SLC25A21: variants seen among roughly 807,000 people sequenced by gnomAD.
The protein encoded by SLC25A21 is mitochondrial 2-oxodicarboxylate carrier.
Under a neutral mutation model 43.8 loss-of-function variants are expected in SLC25A21, and 47 were observed. The observed-to-expected ratio is 1.07, with a 90% CI of 0.85 to 1.37. The LOEUF (loss-of-function observed/expected upper bound fraction) is 1.37, where lower values mean the gene tolerates loss of function less well. SLC25A21 is among the 40% of genes most tolerant of loss of function. The probability of loss-of-function intolerance (pLI) is 0.00; values close to 1 mark genes in which losing one functional copy is unlikely to be tolerated. For missense variants in SLC25A21, 352 were observed against 350.2 expected (o/e 1.00, Z -0.04); for synonymous variants, 131 against 121.3 (o/e 1.08, Z -0.52).
At chr14:36,905,066 AC>A (rs746866288) in intron 1 of SLC25A21, among the ~76,000 whole-genome samples, 2,418 of 152,190 alleles carry the variant, frequency 0.016, 62 homozygotes, top group African/African-American at 0.054. Context: ...TCTAAGGTAC[AC>A]TCTATTTTTC....
chr14:36,936,977 T>C (rs915191925), intron 1 of SLC25A21, among the ~76,000 whole-genome samples: 1 of 152,192 alleles, frequency 6.6e-6, no homozygotes, highest in African/African-American at 2.4e-5. Context: ...CTAGGGTCTC[T>C]TTCTATGGTA....
At chr14:36,988,114 T>C (rs1960185914) in intron 1 of SLC25A21, among the ~76,000 whole-genome samples, 2 of 152,182 alleles carry the variant, frequency 1.3e-5, no homozygotes, top group African/African-American at 4.8e-5. Flanking sequence ...GAGAGCACAG[T>C]CTCTGCCATT....
At chr14:36,878,690 C>A (rs1021721273) in intron 1 of SLC25A21, among the ~76,000 whole-genome samples, 7 of 152,158 alleles carry the variant, frequency 4.6e-5, no homozygotes, top group Non-Finnish European at 8.8e-5. Context: ...TTAATAATTT[C>A]TCTATTCTCA....
chr14:37,029,055 T>C (rs1018417265), intron 1 of SLC25A21, among the ~76,000 whole-genome samples: 1 of 152,196 alleles, frequency 6.6e-6, no homozygotes, highest in East Asian at 1.9e-4. Flanking sequence ...CTCCAATATG[T>C]TTCCACATTA....
intron 1 of SLC25A21, among the ~76,000 whole-genome samples, chr14:37,135,270 T>A (rs1055662928): frequency 6.6e-6 from 1 of 151,878 alleles, no homozygotes; most frequent in African/African-American, 2.4e-5. Flanking sequence ...ATGGTGGTGT[T>A]CACCTGTAGC....
At chr14:36,949,236 A>G (rs1892746503) in intron 1 of SLC25A21, among the ~76,000 whole-genome samples, 1 of 152,208 alleles carries the variant, frequency 6.6e-6, no homozygotes, top group Non-Finnish European at 1.5e-5. Flanking sequence ...TGGAAATGTA[A>G]TACCTATAAG....
chr14:37,007,600 A>AATAATAATAATAATAATAATAATAATAAT (rs1960634011), intron 1 of SLC25A21, among the ~76,000 whole-genome samples: 3 of 148,046 alleles, frequency 2.0e-5, no homozygotes, highest in African/African-American at 7.6e-5. Flanking sequence ...TCCCTCTCAA[A>AATAATAATAATAATAATAATAATAATAAT]AATAATAATA....
chr14:36,735,979 C>G (rs1594537048), intron 3 of SLC25A21, among the ~76,000 whole-genome samples: 1 of 139,082 alleles, frequency 7.2e-6, no homozygotes, highest in East Asian at 2.1e-4. Context: ...CTCTGTCGCC[C>G]AGGCTGGAGT....
At chr14:37,051,252 A>G (rs143575617) in intron 1 of SLC25A21, among the ~76,000 whole-genome samples, 1 of 152,212 alleles carries the variant, frequency 6.6e-6, no homozygotes, top group East Asian at 1.9e-4. Context: ...AATATCTATC[A>G]TTAAAGAATA....
intron 3 of SLC25A21, among the ~76,000 whole-genome samples, chr14:36,775,994 T>C (rs1048170160): frequency 6.6e-6 from 1 of 152,120 alleles, no homozygotes; most frequent in African/African-American, 2.4e-5. Context: ...CATTTTTCTA[T>C]CCTTGCCCTA....
At chr14:37,099,766 T>C (rs1437964429) in intron 1 of SLC25A21, among the ~76,000 whole-genome samples, 28 of 152,128 alleles carry the variant, frequency 1.8e-4, no homozygotes, top group Admixed American at 1.8e-3. Context: ...GAGGTAAGCA[T>C]AATATTTTCC....
chr14:37,100,771 A>C (rs1204151000), intron 1 of SLC25A21, among the ~76,000 whole-genome samples: 1 of 152,226 alleles, frequency 6.6e-6, no homozygotes, highest in Non-Finnish European at 1.5e-5. Flanking sequence ...TTCTGGAGTC[A>C]GTCCACCTGC....
intron 1 of SLC25A21, among the ~76,000 whole-genome samples, chr14:36,882,401 T>C (rs1038241813): frequency 1.3e-5 from 2 of 151,888 alleles, no homozygotes; most frequent in African/African-American, 4.8e-5. Context: ...AAAAATAACA[T>C]TTATCATACA....
At chr14:36,952,563 T>C (rs966189102) in intron 1 of SLC25A21, among the ~76,000 whole-genome samples, 1 of 152,128 alleles carries the variant, frequency 6.6e-6, no homozygotes, top group African/African-American at 2.4e-5. Flanking sequence ...AGTCTCATCC[T>C]GAGCAAGGAC....
chr14:36,701,494 C>CT (rs1024581397), intron 7 of SLC25A21, among the ~76,000 whole-genome samples: 1 of 152,086 alleles, frequency 6.6e-6, no homozygotes, highest in African/African-American at 2.4e-5. Context: ...ATGAAAATTC[C>CT]TTTTTTTCCT....
intron 3 of SLC25A21, among the ~76,000 whole-genome samples, chr14:36,797,822 T>C (rs1887726600): frequency 6.6e-6 from 1 of 152,170 alleles, no homozygotes; most frequent in Non-Finnish European, 1.5e-5. Flanking sequence ...CTCTATTCAG[T>C]AGTTTCACTT....
At position 36,680,209 on chromosome 14, in the gene SLC25A21, A is replaced by T; in HGVS notation, c.*449T>A. 1.1e-6 allele frequency: 1 copy of T among 876,452 alleles called. No individual in the cohort carries two copies. Among genetic ancestry groups the T allele is most frequent in the Non-Finnish European group, 1.4e-6 (1 of 731,198 alleles). The allele number at this position is 876,452 out of a possible 1,614,324, so 54.3% of individuals were successfully genotyped here. ...ATGGAATAATTTAATTCATTATAAA[A>T]ACTGCTTAAATTTTGGCTTAACTTT... On this transcript the variant is annotated 3_prime_UTR_variant, in exon 10 of 10. Coordinates refer to ENST00000331299, the MANE Select transcript of SLC25A21 (RefSeq NM_030631.4).
intron 2 of SLC25A21, among the ~76,000 whole-genome samples, chr14:36,846,036 G>T (rs1382183464): frequency 6.6e-6 from 1 of 152,188 alleles, no homozygotes; most frequent in Non-Finnish European, 1.5e-5. Context: ...TCTAAAACAT[G>T]GTGATTAGGA....
At chr14:36,967,970 A>G (rs1331361973) in intron 1 of SLC25A21, among the ~76,000 whole-genome samples, 1 of 152,240 alleles carries the variant, frequency 6.6e-6, no homozygotes, top group Non-Finnish European at 1.5e-5. Flanking sequence ...TAAGCACCTC[A>G]ACTTAAGAGC....
Sources: allele counts gnomAD v4.1 joint callset (sites outside exome capture counted in the v4.1 genomes callset), GRCh38; gene constraint gnomAD v4.1.1; transcripts MANE v1.5; gene names NCBI Gene and HGNC (gene_info 2026-07-23, HGNC 2026-07-21).